The following ABCA13 variants were observed in gnomAD, a reference collection of about 807,000 sequenced individuals.
The protein encoded by ABCA13 is ATP binding cassette subfamily A member 13, also known as ATP-binding cassette sub-family A member 13.
ABCA13 carries 476 observed loss-of-function variants against 478.7 expected under a neutral mutation model. The ratio of observed to expected loss-of-function variants is 0.99; its 90% CI spans 0.92 to 1.07. The LOEUF is 1.07. Among genes scored for constraint, ABCA13 ranks in the 50% least tolerant of loss-of-function variants. The pLI, the probability that ABCA13 is intolerant of heterozygous loss-of-function variation, is 0.00. For missense variants in ABCA13, 6,060 were observed against 5,910.6 expected (o/e 1.03, Z -0.83); for synonymous variants, 2,252 against 2,158.9 (o/e 1.04, Z -1.20).
At chr7:48,313,028 G>A in intron 24 of ABCA13, 39 bp from the exon 25 acceptor site, 2 of 1,506,440 alleles carry the variant, frequency 1.3e-6, no homozygotes, top group Non-Finnish European at 1.8e-6. Flanking sequence ...ATACAGTGTT[G>A]GTTATTTCAT....
chr7:48,528,136 G>A (rs561780261), intron 54 of ABCA13, 100 bp from the exon 55 acceptor site: 60 of 1,032,692 alleles, frequency 5.8e-5, no homozygotes, highest in Middle Eastern at 2.7e-4. Flanking sequence ...TTGGCTAAAA[G>A]CAAGTGCTGT....
At chr7:48,603,238 T>C (rs1791101068) in intron 58 of ABCA13, among the ~76,000 whole-genome samples, 1 of 152,182 alleles carries the variant, frequency 6.6e-6, no homozygotes, top group African/African-American at 2.4e-5. Context: ...TCTTGCCTGA[T>C]AGCCCTGGCC....
At chr7:48,324,153 C>G (rs1803948185) in intron 27 of ABCA13, among the ~76,000 whole-genome samples, 1 of 152,130 alleles carries the variant, frequency 6.6e-6, no homozygotes, top group African/African-American at 2.4e-5. Context: ...GCTTAAACAA[C>G]AGAAATTTAT....
At chr7:48,343,855 A>G (rs1241039481) in intron 29 of ABCA13, among the ~76,000 whole-genome samples, 1 of 152,146 alleles carries the variant, frequency 6.6e-6, no homozygotes. Context: ...GGTTTCCTCA[A>G]TATGACCTTT....
chr7:48,374,267 C>T (rs1813105985), intron 33 of ABCA13, 80 bp from the exon 34 acceptor site: 6 of 1,331,594 alleles, frequency 4.5e-6, no homozygotes, highest in Non-Finnish European at 6.2e-6. Context: ...GGCTTCGCTC[C>T]TTGAATTAAG....
intron 35 of ABCA13, among the ~76,000 whole-genome samples, 159 bp from the exon 36 acceptor site, chr7:48,387,663 A>G (rs148956499): frequency 2.5e-3 from 383 of 152,344 alleles, no homozygotes; most frequent in African/African-American, 8.8e-3. Context: ...CCACTGCAAA[A>G]CTAATAGCTG....
chr7:48,595,537 T>A (rs1319232528), intron 58 of ABCA13, among the ~76,000 whole-genome samples: 9 of 152,358 alleles, frequency 5.9e-5, no homozygotes, highest in African/African-American at 1.9e-4. Flanking sequence ...TTTAGCTTGA[T>A]ACAGTTTTAT....
At chr7:48,498,179 A>G (rs1200637245) in intron 48 of ABCA13, among the ~76,000 whole-genome samples, 1 of 152,060 alleles carries the variant, frequency 6.6e-6, no homozygotes, top group African/African-American at 2.4e-5. Flanking sequence ...AAGATTCACT[A>G]CCCAATGGGC....
intron 37 of ABCA13, 117 bp from the exon 38 acceptor site, chr7:48,391,804 C>A: frequency 2.1e-6 from 2 of 934,024 alleles, no homozygotes; most frequent in South Asian, 1.6e-5. Flanking sequence ...AAAACCAGGT[C>A]AGCAGAAGGT....
At chr7:48,531,989 T>A (rs1169311797) in intron 55 of ABCA13, among the ~76,000 whole-genome samples, 2 of 152,068 alleles carry the variant, frequency 1.3e-5, no homozygotes, top group Non-Finnish European at 2.9e-5. Flanking sequence ...ATGCTCTTTA[T>A]TTTTTTCTCC....
At chr7:48,229,652 A>G (rs1007455342) in intron 6 of ABCA13, among the ~76,000 whole-genome samples, 173 bp from the exon 7 acceptor site, 1 of 152,246 alleles carries the variant, frequency 6.6e-6, no homozygotes, top group African/African-American at 2.4e-5. Context: ...TTACTAGTTC[A>G]GGGAGTTAGG....
chr7:48,418,574 T>A (rs1247267880), intron 41 of ABCA13, among the ~76,000 whole-genome samples: 1 of 152,224 alleles, frequency 6.6e-6, no homozygotes, highest in East Asian at 1.9e-4. Context: ...GAGCTCTTTG[T>A]TAACTTCATT....
intron 1 of ABCA13, among the ~76,000 whole-genome samples, chr7:48,190,269 T>TA (rs1307858456): frequency 3.9e-5 from 6 of 152,000 alleles, no homozygotes; most frequent in Non-Finnish European, 5.9e-5. Flanking sequence ...GCCAAATATG[T>TA]AAAAAAAACC....
At chr7:48,211,238 G>A (rs952803024) in intron 3 of ABCA13, among the ~76,000 whole-genome samples, 1 of 152,192 alleles carries the variant, frequency 6.6e-6, no homozygotes, top group Middle Eastern at 3.2e-3. Flanking sequence ...GGGCTTGTTT[G>A]TACCCATCCT....
Position 48,276,560 on chromosome 7 carries a change from G to T in ABCA13, c.6894G>T (p.Glu2298Asp), listed in dbSNP as rs1450115118. ...LKYFHKDVIA[E>D]MSFVPKDKIL... ...ATTTCCACAAAGATGTTATTGCAGA[G>T]ATGAGGTGAGTATACTTTTGCTTTG... Residue 2298 changes from glutamate to aspartate, a missense_variant, in exon 17 of 62, where the codon GAG becomes GAT. Glu to Asp is a conservative substitution (Grantham distance 45). Around this residue, in one of 3 missense-constraint regions of ABCA13, gnomAD observed 4,423 missense variants for 4,309.1 expected, o/e 1.03. Transcript: ENST00000435803. 4 of 1,610,708 alleles carry T rather than the reference G, an allele frequency of 2.5e-6. No homozygotes were observed. Among genetic ancestry groups the T allele is most frequent in the Non-Finnish European group, 3.4e-6 (4 of 1,179,006 alleles).
intron 59 of ABCA13, among the ~76,000 whole-genome samples, chr7:48,641,867 A>C (rs573217001): frequency 6.6e-6 from 1 of 152,292 alleles, no homozygotes; most frequent in South Asian, 2.1e-4. Flanking sequence ...TGGTGAAGAC[A>C]CAATGGGTTG....
At chr7:48,455,441 A>T (rs1825556989) in intron 43 of ABCA13, among the ~76,000 whole-genome samples, 155 bp downstream of exon 43, 1 of 152,230 alleles carries the variant, frequency 6.6e-6, no homozygotes, top group South Asian at 2.1e-4. Context: ...TCCTTGGAGA[A>T]GCTCTTGCTC....
At chr7:48,192,893 G>A in intron 1 of ABCA13, 66 bp from the exon 2 acceptor site, 1 of 1,259,576 alleles carries the variant, frequency 7.9e-7, no homozygotes. Context: ...CCTCCTTCAA[G>A]AGATGAAAAT....
intron 58 of ABCA13, among the ~76,000 whole-genome samples, chr7:48,614,580 G>A (rs959344883): frequency 2.0e-5 from 3 of 150,904 alleles, no homozygotes; most frequent in Non-Finnish European, 3.0e-5. Flanking sequence ...AAAGACACAT[G>A]CACACGTATG....
Sources: allele counts gnomAD v4.1 joint callset (sites outside exome capture counted in the v4.1 genomes callset), GRCh38; gene constraint gnomAD v4.1.1; regional missense constraint gnomAD v4.1.1; transcripts MANE v1.5; gene names NCBI Gene and HGNC (gene_info 2026-07-23, HGNC 2026-07-21).